KDM6B: variants seen among roughly 807,000 people sequenced by gnomAD.
KDM6B encodes the protein lysine-specific demethylase 6B.
In KDM6B, 22 loss-of-function variants were observed where a neutral mutation model predicts 150.4. The ratio of observed to expected loss-of-function variants is 0.15; its 90% CI spans 0.10 to 0.21. The LOEUF (loss-of-function observed/expected upper bound fraction) is 0.21, where lower values mean the gene tolerates loss of function less well. KDM6B is among the 10% of genes least tolerant of loss of function. The pLI, the probability that KDM6B is intolerant of heterozygous loss-of-function variation, is 1.00. For missense variants in KDM6B, 1,984 were observed against 2,234.3 expected (o/e 0.89, Z 2.26); for synonymous variants, 1,148 against 921.1 (o/e 1.25, Z -4.46).
At position 7,853,133 on chromosome 17, in the gene KDM6B, G is replaced by C; in HGVS notation, c.4737+7G>C. ...CTACTGCAACGAGTGCGATGTGAGT[G>C]GGCCGGCTCTGCTGCTCTCCCTGAG... On this transcript the variant is annotated splice_region_variant and intron_variant, in intron 22 of 23. Transcript: ENST00000448097. 1 of 1,614,120 alleles carries C rather than the reference G, an allele frequency of 6.2e-7. No homozygotes were observed. Among genetic ancestry groups the C allele is most frequent in the South Asian group, 1.1e-5 (1 of 91,056 alleles).
rs1023210002 is a variant in KDM6B at position 7,845,174 on chromosome 17, C to T, written c.-148-140C>T. Reference sequence around the variant, plus strand: ...CTGGGCCTCTAGGGAGTGGTTGGGCCGGGCCTCCCTTTGGGGAAAGCTAAG... The same window carrying T: ...CTGGGCCTCTAGGGAGTGGTTGGGCTGGGCCTCCCTTTGGGGAAAGCTAAG... On this transcript the variant is annotated intron_variant, in intron 3 of 23. Coordinates refer to ENST00000448097, the MANE Select transcript of KDM6B (RefSeq NM_001348716.2). 2.7e-5 allele frequency: 10 copies of T among 366,814 alleles called. No homozygotes were observed. In the East Asian group the frequency reaches 6.0e-4, roughly 22 times the overall value. 22.7% of individuals were successfully genotyped at this position (366,814 alleles called of 1,614,324 possible).
intron 1 of KDM6B, among the ~76,000 whole-genome samples, chr17:7,835,748 C>T (rs897668917): frequency 1.7e-4 from 25 of 147,584 alleles, no homozygotes; most frequent in African/African-American, 6.4e-4. Flanking sequence ...CTCGCGCCCA[C>T]CCCCCGCCCT....
Position 7,847,101 on chromosome 17 carries a change from A to C in KDM6B, c.910-4A>C, listed in dbSNP as rs370401498. ...CATCCTGCATCCCTGTTTATCTCCT[A>C]TAGGAGCAGCGGCACTCGCTGCCTC... On this transcript the variant is annotated splice_polypyrimidine_tract_variant and splice_region_variant and intron_variant, in intron 10 of 23. Coordinates refer to ENST00000448097, the MANE Select transcript of KDM6B (RefSeq NM_001348716.2). 65 of 1,612,308 alleles carry C rather than the reference A, an allele frequency of 4.0e-5. No homozygotes were observed. The African/African-American group carries it at 8.3e-4, about 21-fold the overall frequency.
Position 7,843,370 on chromosome 17 carries a change from GGA to G in KDM6B, c.-268-1525_-268-1524del, listed in dbSNP as rs1223005788. On this transcript the variant is annotated intron_variant, in intron 2 of 23. Transcript: ENST00000448097. The surrounding 1 kb of genome is among the most constrained non-coding windows in gnomAD (Gnocchi z 4.5). ...ATGGAAAGGATGCTGCCTCTAGTGA[GGA>G]GAGAGTTCTGACAGTAATACCACGT... Among the ~76,000 whole-genome samples the G allele has an allele frequency of 2.0e-5, 3 of 152,206 alleles. No homozygotes were observed. Among genetic ancestry groups the G allele is most frequent in the Admixed American group, 1.3e-4 (2 of 15,288 alleles).
At position 7,851,644 on chromosome 17, in the gene KDM6B, G is replaced by A; in HGVS notation, c.4017-4G>A. 1.3e-6 allele frequency: 2 copies of A among 1,592,386 alleles called. No homozygotes were observed. Among genetic ancestry groups the A allele is most frequent in the African/African-American group, 1.3e-5 (1 of 74,796 alleles). On this transcript the variant is annotated splice_region_variant and splice_polypyrimidine_tract_variant and intron_variant, in intron 17 of 23. Transcript: ENST00000448097. ...TAGCCTCTCGTCGCACTTCCGCACCGCAGGTGGAAGCCCCAGCTGCAGGAG... is the reference window on the plus strand; with the variant it reads ...TAGCCTCTCGTCGCACTTCCGCACCACAGGTGGAAGCCCCAGCTGCAGGAG...
At chr17:7,836,533 G>A (rs1294338001) in intron 1 of KDM6B, among the ~76,000 whole-genome samples, 1 of 133,296 alleles carries the variant, frequency 7.5e-6, no homozygotes, top group African/African-American at 2.9e-5. Flanking sequence ...CGGTGCCCCC[G>A]TCCCCGCCTG....
chr17:7,849,891 A>G lies in KDM6B; in HGVS notation c.3511A>G (p.Asn1171Asp). 1 of 1,611,850 alleles carries G rather than the reference A, an allele frequency of 6.2e-7. No individual in the cohort carries two copies. The highest frequency in any genetic ancestry group is 8.5e-7 in the Non-Finnish European group (1 of 1,179,430). ...TGCCCAGTCTGTGAAACCGAAGATCAACACTGAGGAGAAGCTGCCCCGGGA... is the reference window on the plus strand; with the variant it reads ...TGCCCAGTCTGTGAAACCGAAGATCGACACTGAGGAGAAGCTGCCCCGGGA... ...SPAQSVKPKI[N>D]TEEKLPREKL... Residue 1171 changes from asparagine to aspartate, a missense_variant, in exon 13 of 24, where the codon AAC becomes GAC. Transcript: ENST00000448097.
chr17:7,845,397 G>A lies in KDM6B; in HGVS notation c.-65G>A. 1.1e-6 allele frequency: 1 copy of A among 912,518 alleles called. No homozygotes were observed. The highest frequency in any genetic ancestry group is 1.3e-5 in the South Asian group (1 of 74,654). The allele number at this position is 912,518 out of a possible 1,614,324, so 56.5% of individuals were successfully genotyped here. On this transcript the variant is annotated 5_prime_UTR_variant, in exon 4 of 24. Coordinates refer to ENST00000448097, the MANE Select transcript of KDM6B (RefSeq NM_001348716.2). Reference sequence around the variant, plus strand: ...CGGCTGGAGCCGGACCATCGTCCCAGAGAGCTGGGGCAGGGGGCCGTGCCC... The same window carrying A: ...CGGCTGGAGCCGGACCATCGTCCCAAAGAGCTGGGGCAGGGGGCCGTGCCC...
intron 21 of KDM6B, among the ~76,000 whole-genome samples, 169 bp downstream of exon 21, chr17:7,852,805 A>C (rs2078726253): frequency 6.6e-6 from 1 of 152,136 alleles, no homozygotes; most frequent in Non-Finnish European, 1.5e-5. Flanking sequence ...GACCTTTTCT[A>C]GTGGTCCAAA....
chr17:7,853,828 G>A lies in KDM6B; in HGVS notation c.*307G>A, dbSNP rs11553166. On this transcript the variant is annotated 3_prime_UTR_variant, in exon 24 of 24. Transcript: ENST00000448097. ...GACACAAGGACCAGGCTCCGGCGGC[G>A]GCGGGGGTCACATACGGGTTCCCTC... is the stretch of plus-strand genomic sequence containing the variant. 0.094 allele frequency: 20,426 copies of A among 217,328 alleles called. 1,292 individuals are homozygous for A. The highest frequency in any genetic ancestry group is 0.14 in the Admixed American group (2,410 of 16,840). 13.5% of individuals were successfully genotyped at this position (217,328 alleles called of 1,614,324 possible).
chr17:7,853,318 G>T lies in KDM6B; in HGVS notation c.4846G>T (p.Val1616Leu), dbSNP rs751183543. 6.3e-7 allele frequency: 1 copy of T among 1,593,576 alleles called. No homozygotes were observed. Among genetic ancestry groups the T allele is most frequent in the South Asian group, 1.1e-5 (1 of 88,452 alleles). The change falls in exon 23 of 24, where the codon GTG becomes TTG. Residue 1616 changes from valine (V) to leucine (L), a missense_variant. By Grantham distance (32) the Val-to-Leu change is conservative (BLOSUM62 1). Transcript: ENST00000448097. The stretch of plus-strand genomic sequence containing the variant: ...GCGCCGCAGCGCAGGCCTGCAGGGC[G>T]TGGTGGTGCTGGAGCAGTACCGCAC... ...ARRRSAGLQG[V>L]VVLEQYRTEE...
In KDM6B at chr17:7,854,221, C is replaced by T. The variant is rs373980193; in HGVS notation, c.*700C>T. 6.6e-6 allele frequency: 1 copy of T among 152,480 alleles called. No homozygotes were observed. Among genetic ancestry groups the T allele is most frequent in the African/African-American group, 2.4e-5 (1 of 41,364 alleles). 9.4% of individuals were successfully genotyped at this position (152,480 alleles called of 1,614,324 possible). A position where few individuals can be genotyped will look rare whatever the true frequency, so the allele number is the denominator to read the frequency against. ...CCCCAGTGTGTGTCCGGGCCCGGCC[C>T]GACCGTCTCCACCCGTCCGCCCGCG... On this transcript the variant is annotated 3_prime_UTR_variant, in exon 24 of 24. Transcript: ENST00000448097.
rs550079788 is a variant in KDM6B at position 7,850,225 on chromosome 17, G to A, written c.3673+48G>A. ...GTTAGGGAGGGCTACAAGGGTCTGG[G>A]GCATGTAGGACCCTCTGAGAAATCC... is the stretch of plus-strand genomic sequence containing the variant. On this transcript the variant is annotated intron_variant, in intron 14 of 23. Transcript: ENST00000448097. 6.1e-6 allele frequency: 9 copies of A among 1,469,228 alleles called. No individual in the cohort carries two copies. In the African/African-American group the frequency reaches 9.7e-5, roughly 16 times the overall value. The allele number at this position is 1,469,228 out of a possible 1,614,324, so 91.0% of individuals were successfully genotyped here.
At position 7,852,712 on chromosome 17, in the gene KDM6B, C is replaced by T. The variant is rs1459484287; in HGVS notation, c.4610+76C>T. 3.8e-6 allele frequency: 6 copies of T among 1,583,024 alleles called. No individual in the cohort carries two copies. In the East Asian group the frequency reaches 6.7e-5, roughly 18 times the overall value. ...CTTGTTCTTCCTGTCTGACTCCACC[C>T]CATTTTTACCTCTCTCCATCCTTGT... On this transcript the variant is annotated intron_variant, in intron 21 of 23. Coordinates refer to ENST00000448097, the MANE Select transcript of KDM6B (RefSeq NM_001348716.2).
At position 7,846,304 on chromosome 17, in the gene KDM6B, G is replaced by C. The variant is rs918892927; in HGVS notation, c.456+7G>C. The C allele has an allele frequency of 6.2e-7, 1 of 1,610,998 alleles. No homozygotes were observed. The highest frequency in any genetic ancestry group is 1.3e-5 in the African/African-American group (1 of 74,844). On this transcript the variant is annotated splice_region_variant and intron_variant, in intron 7 of 23. Transcript: ENST00000448097. ...CATTGGCCGACTGCAGCAGGTAGGA[G>C]AAGGCAGGGCGTGGGGGACGGGATT...
rs1234489639 is a variant in KDM6B at position 7,844,154 on chromosome 17, G to C, written c.-268-747G>C. 6.6e-6 allele frequency: 1 copy of C among 152,058 alleles called. No homozygotes were observed. Among genetic ancestry groups the C allele is most frequent in the Non-Finnish European group, 1.5e-5 (1 of 68,006 alleles). The allele number at this position is 152,058 out of a possible 1,614,324, so 9.4% of individuals were successfully genotyped here. A position where few individuals can be genotyped will look rare whatever the true frequency, so the allele number is the denominator to read the frequency against. On this transcript the variant is annotated intron_variant, in intron 2 of 23. Transcript: ENST00000448097. The surrounding 1 kb of genome is among the most constrained non-coding windows in gnomAD (Gnocchi z 5.9). ...AAATCCCCCCTCCCTTGGGGGGCGG[G>C]GGCCACGTGGGCCGTGGGGAACCGC...
In KDM6B at chr17:7,845,704, G is replaced by A. The variant is rs759548932; in HGVS notation, c.137+13G>A. ...TGCCTGGAGGCAGGTGAGAAGTTGG[G>A]GCCCTCTGTCTCCAGGCACACCTCT... On this transcript the variant is annotated intron_variant, in intron 5 of 23. Transcript: ENST00000448097. The A allele has an allele frequency of 4.3e-6, 7 of 1,614,064 alleles. No homozygotes were observed. In the African/African-American group the frequency reaches 8.0e-5, roughly 18 times the overall value.
At chr17:7,851,911 C>T (rs764609766) in intron 18 of KDM6B, 40 bp from the exon 19 acceptor site, 26 of 1,608,086 alleles carry the variant, frequency 1.6e-5, no homozygotes, top group South Asian at 3.3e-5. Flanking sequence ...ATCGCAGTTC[C>T]GACCTGGCCA....
Position 7,848,163 on chromosome 17 carries a change from G to T in KDM6B, c.1875G>T (p.Pro625=). Reference sequence around the variant, plus strand: ...ATACCTCAGGAAGCTTCAGGCGCCCGGAGAGCCCCCGGCCCAGGGTCTCCT... The same window carrying T: ...ATACCTCAGGAAGCTTCAGGCGCCCTGAGAGCCCCCGGCCCAGGGTCTCCT... ...HQNTSGSFRR[P]ESPRPRVSFP... Residue 625 remains proline, a synonymous_variant, in exon 12 of 24, where the codon CCG becomes CCT. Coordinates refer to ENST00000448097, the MANE Select transcript of KDM6B (RefSeq NM_001348716.2). 4 of 1,612,608 alleles carry T rather than the reference G, an allele frequency of 2.5e-6. No individual in the cohort carries two copies. Among genetic ancestry groups the T allele is most frequent in the Non-Finnish European group, 3.4e-6 (4 of 1,179,890 alleles).
Sources: gnomAD v4.1 joint callset for allele counts (sites outside exome capture counted in the v4.1 genomes callset) on GRCh38, gnomAD v4.1.1 for gene constraint, Gnocchi (gnomAD v3.1) non-coding constraint, MANE v1.5 for transcripts, NCBI Gene and HGNC (gene_info 2026-07-23, HGNC 2026-07-21) for gene names.